The following GPC6 variants were observed in gnomAD, a reference collection of about 807,000 sequenced individuals.
The protein encoded by GPC6 is glypican-6.
A neutral mutation model predicts 55.2 loss-of-function variants in GPC6; 14 were observed. That is an observed-to-expected ratio of 0.25 (90% CI 0.17 to 0.40). The LOEUF is 0.40. GPC6 is among the 10% of genes least tolerant of loss of function. The pLI is 1.00. For synonymous variants in GPC6, 278 were observed against 259.6 expected (o/e 1.07, Z -0.68); for missense variants, 641 against 708.5 (o/e 0.90, Z 1.08).
chr13:93,296,063 C>T (rs560656172), intron 1 of GPC6, among the ~76,000 whole-genome samples: 2 of 152,226 alleles, frequency 1.3e-5, no homozygotes, highest in South Asian at 4.1e-4. Flanking sequence ...CCCAAAGGTC[C>T]TCCTACCTCT....
rs552183042 is a variant in GPC6, at chr13:93,967,066, C to T, written c.712-60663C>T. Among the ~76,000 whole-genome samples the T allele has an allele frequency of 4.5e-4, 68 of 152,224 alleles. 1 individual carries two copies. The South Asian group carries it at 0.014, about 31-fold the overall frequency. On this transcript the variant is annotated intron_variant, in intron 3 of 8. Transcript: ENST00000377047. ...CAGAAGAAAGCATGAGAAAGGGAAACTTGAGGGAAGGTCTCCAAATACAGA... is the reference window on the plus strand; with the variant it reads ...CAGAAGAAAGCATGAGAAAGGGAAATTTGAGGGAAGGTCTCCAAATACAGA...
intron 2 of GPC6, among the ~76,000 whole-genome samples, chr13:93,656,598 T>C (rs544817276): frequency 6.6e-6 from 1 of 152,236 alleles, no homozygotes; most frequent in South Asian, 2.1e-4. Flanking sequence ...ATTTCTGCTT[T>C]ACAAATCACA....
chr13:93,939,236 A>G (rs917953627), intron 3 of GPC6, among the ~76,000 whole-genome samples: 4 of 151,538 alleles, frequency 2.6e-5, no homozygotes, highest in Non-Finnish European at 5.9e-5. Context: ...TAGATTGTCA[A>G]AAAAGAGAAA....
chr13:93,847,980 T>C (rs1437170279), intron 3 of GPC6, among the ~76,000 whole-genome samples: 1 of 152,132 alleles, frequency 6.6e-6, no homozygotes, highest in Non-Finnish European at 1.5e-5. Flanking sequence ...TATTGTGAGA[T>C]TTAAAGTCCT....
rs1475616409 is a variant in GPC6, at chr13:93,266,747, T to G, written c.160+39131T>G. Among the ~76,000 whole-genome samples the G allele has an allele frequency of 1.3e-5, 2 of 152,162 alleles. 1 individual carries two copies. The highest frequency in any genetic ancestry group is 4.8e-5 in the African/African-American group (2 of 41,450). Reference sequence around the variant, plus strand: ...TTAATGTTAATAACTTGATCAGAATTTAAGGAGATTAAATGTCAGAGTTAA... The same window carrying G: ...TTAATGTTAATAACTTGATCAGAATGTAAGGAGATTAAATGTCAGAGTTAA... On this transcript the variant is annotated intron_variant, in intron 1 of 8. Transcript: ENST00000377047.
rs1251316047 is a variant in GPC6, at chr13:94,310,239, G to A, written c.1152+4116G>A. Among the ~76,000 whole-genome samples the A allele has an allele frequency of 2.0e-5, 3 of 152,104 alleles. No individual in the cohort carries two copies. In the East Asian group the frequency reaches 5.8e-4, roughly 29 times the overall value. The stretch of plus-strand genomic sequence containing the variant: ...ATTCATTAGAGTAAAAATGGACTGT[G>A]CATGGTGTATCTTAGAGGAATATAT... On this transcript the variant is annotated intron_variant, in intron 6 of 8. Coordinates refer to ENST00000377047, the MANE Select transcript of GPC6 (RefSeq NM_005708.5).
intron 4 of GPC6, among the ~76,000 whole-genome samples, chr13:94,253,016 T>C (rs1200459648): frequency 6.6e-6 from 1 of 151,536 alleles, no homozygotes; most frequent in Non-Finnish European, 1.5e-5. Context: ...TAGACTGGTG[T>C]CAGGAATGAT....
intron 1 of GPC6, among the ~76,000 whole-genome samples, chr13:93,530,717 G>A (rs1400069995): frequency 6.6e-6 from 1 of 152,048 alleles, no homozygotes; most frequent in African/African-American, 2.4e-5. Context: ...AAATAAAAAT[G>A]GTGGACCCCA....
chr13:93,897,095 A>G lies in GPC6; in HGVS notation c.711+66550A>G, dbSNP rs568537722. Among the ~76,000 whole-genome samples, 8 of 151,920 alleles carry G rather than the reference A, an allele frequency of 5.3e-5. No individual in the cohort carries two copies. The East Asian group carries it at 7.7e-4, about 15-fold the overall frequency. On this transcript the variant is annotated intron_variant, in intron 3 of 8. Coordinates refer to ENST00000377047, the MANE Select transcript of GPC6 (RefSeq NM_005708.5). The stretch of plus-strand genomic sequence containing the variant: ...TATGTTTTTTTATTTTAAAAAAAGC[A>G]TACATAGGAGCTTAAAAAATAAAGT...
At chr13:94,177,044 T>C (rs553760021) in intron 4 of GPC6, among the ~76,000 whole-genome samples, 1 of 152,342 alleles carries the variant, frequency 6.6e-6, no homozygotes, top group South Asian at 2.1e-4. Context: ...TAAGGTTATA[T>C]GTATCCTCTT....
intron 3 of GPC6, among the ~76,000 whole-genome samples, chr13:93,878,936 GA>G (rs1184807894): frequency 6.6e-6 from 1 of 152,068 alleles, no homozygotes; most frequent in Non-Finnish European, 1.5e-5. Flanking sequence ...CAAGAATTAG[GA>G]AAAGCAAAAA....
At chr13:94,021,750 T>G (rs1032820768) in intron 3 of GPC6, among the ~76,000 whole-genome samples, 2 of 152,064 alleles carry the variant, frequency 1.3e-5, no homozygotes, top group Non-Finnish European at 2.9e-5. Flanking sequence ...TAAACTGTAA[T>G]ATCAATTACA....
At chr13:93,433,006 A>G (rs1008045101) in intron 1 of GPC6, among the ~76,000 whole-genome samples, 2 of 152,098 alleles carry the variant, frequency 1.3e-5, no homozygotes, top group African/African-American at 4.8e-5. Flanking sequence ...AAAGACTCTC[A>G]GAGCTTATAT....
intron 2 of GPC6, among the ~76,000 whole-genome samples, chr13:93,700,517 A>T (rs1297588364): frequency 6.6e-6 from 1 of 152,098 alleles, no homozygotes; most frequent in Non-Finnish European, 1.5e-5. Flanking sequence ...GGCCCAAGTG[A>T]TTCTTGCTGC....
chr13:93,273,519 G>C (rs964726240), intron 1 of GPC6, among the ~76,000 whole-genome samples: 2 of 151,938 alleles, frequency 1.3e-5, no homozygotes, highest in Non-Finnish European at 1.5e-5. Flanking sequence ...TTAGCCGGGC[G>C]TGGTGGTGGG....
chr13:93,979,305 GTGTGTGTGTGTGTT>G (rs1464011587), intron 3 of GPC6, among the ~76,000 whole-genome samples: 7 of 150,172 alleles, frequency 4.7e-5, no homozygotes, highest in Non-Finnish European at 8.9e-5. Context: ...GTGTGTGTGT[GTGTGTGTGTGTGTT>G]TGTGTGTGTT....
At chr13:93,363,117 G>GTTTTTTTTT (rs199840187) in intron 1 of GPC6, among the ~76,000 whole-genome samples, 1 of 126,012 alleles carries the variant, frequency 7.9e-6, no homozygotes, top group African/African-American at 3.1e-5. Flanking sequence ...CTTTTTTTTT[G>GTTTTTTTTT]TTTTTTTTTT....
At chr13:94,024,644 G>C (rs1326880796) in intron 3 of GPC6, among the ~76,000 whole-genome samples, 1 of 151,968 alleles carries the variant, frequency 6.6e-6, no homozygotes, top group Admixed American at 6.6e-5. Flanking sequence ...GAACAACATT[G>C]TTCTTTCAGA....
At chr13:93,664,981 A>G (rs1332570448) in intron 2 of GPC6, among the ~76,000 whole-genome samples, 1 of 152,242 alleles carries the variant, frequency 6.6e-6, no homozygotes, top group Admixed American at 6.5e-5. Flanking sequence ...AATGTGAAGA[A>G]ACCTCATATA....
Sources: gnomAD v4.1 joint callset for allele counts (sites outside exome capture counted in the v4.1 genomes callset) on GRCh38, gnomAD v4.1.1 for gene constraint, MANE v1.5 for transcripts, NCBI Gene and HGNC (gene_info 2026-07-23, HGNC 2026-07-21) for gene names.